The following TIAM1 variants were observed in gnomAD, a reference collection of about 807,000 sequenced individuals.
The protein encoded by TIAM1 is TIAM Rac1 associated GEF 1.
A neutral mutation model predicts 163.5 loss-of-function variants in TIAM1; 65 were observed. That is an observed-to-expected ratio of 0.40 (90% CI 0.33 to 0.49). The LOEUF is 0.49. Ranked by LOEUF, TIAM1 falls within the 20% of genes least tolerant of loss-of-function variation. TIAM1 has a pLI of 0.77. For missense variants in TIAM1, 1,789 were observed against 2,044.7 expected (o/e 0.87, Z 2.41); for synonymous variants, 833 against 810.1 (o/e 1.03, Z -0.48).
At chr21:31,130,457 C>A in intron 24 of TIAM1, 142 bp from the exon 25 acceptor site, 1 of 651,792 alleles carries the variant, frequency 1.5e-6, no homozygotes, top group Non-Finnish European at 2.7e-6. Flanking sequence ...GAGCTCCTGT[C>A]CATCCAGCAG....
chr21:31,527,364 A>G (rs2047823068), intron 1 of TIAM1, among the ~76,000 whole-genome samples: 1 of 152,138 alleles, frequency 6.6e-6, no homozygotes, highest in South Asian at 2.1e-4. Flanking sequence ...ACACAAAAAG[A>G]CCACATTTAG....
At chr21:31,444,364 A>C (rs1220902681) in intron 2 of TIAM1, among the ~76,000 whole-genome samples, 1 of 151,742 alleles carries the variant, frequency 6.6e-6, no homozygotes, top group Non-Finnish European at 1.5e-5. Context: ...ATTTCTACTA[A>C]AAGTTTCTGC....
intron 2 of TIAM1, among the ~76,000 whole-genome samples, chr21:31,418,285 T>A (rs1342666627): frequency 3.8e-5 from 5 of 130,822 alleles, no homozygotes; most frequent in African/African-American, 1.5e-4. Context: ...GAAGTTGAGG[T>A]GAGCCGAGAT....
intron 7 of TIAM1, among the ~76,000 whole-genome samples, chr21:31,225,052 C>T (rs1274559790): frequency 6.6e-6 from 1 of 152,038 alleles, no homozygotes; most frequent in Non-Finnish European, 1.5e-5. Flanking sequence ...AGAGAGCTTG[C>T]TCTGTTACCC....
chr21:31,194,822 A>G (rs1173950554), intron 13 of TIAM1, among the ~76,000 whole-genome samples: 1 of 152,230 alleles, frequency 6.6e-6, no homozygotes, highest in Non-Finnish European at 1.5e-5. Flanking sequence ...CTTGTCGCCA[A>G]CTTACAAACA....
chr21:31,462,463 C>T (rs1170130635), intron 2 of TIAM1, among the ~76,000 whole-genome samples: 4 of 152,204 alleles, frequency 2.6e-5, no homozygotes, highest in Admixed American at 2.6e-4. Flanking sequence ...CAGGAGTATT[C>T]TTGTAAGACA....
intron 2 of TIAM1, among the ~76,000 whole-genome samples, chr21:31,293,013 G>A (rs1428836504): frequency 2.6e-5 from 4 of 152,032 alleles, no homozygotes; most frequent in East Asian, 1.9e-4. Flanking sequence ...TAGTAGAGAC[G>A]GAGTTTCGCC....
chr21:31,329,134 G>A (rs1464813692), intron 2 of TIAM1, among the ~76,000 whole-genome samples: 1 of 152,146 alleles, frequency 6.6e-6, no homozygotes, highest in Non-Finnish European at 1.5e-5. Flanking sequence ...CTCAGGGCAG[G>A]GAGGGGATGT....
chr21:31,481,736 C>T (rs1429584755), intron 1 of TIAM1, among the ~76,000 whole-genome samples: 1 of 152,160 alleles, frequency 6.6e-6, no homozygotes, highest in African/African-American at 2.4e-5. Context: ...AGCTCCCACA[C>T]CCTCTCTGGA....
At position 31,387,195 on chromosome 21, in the gene TIAM1, C is replaced by CTTTTTTT. The variant is rs60592178; in HGVS notation, c.-368-47780_-368-47774dup. 1.1e-3 allele frequency among the ~76,000 whole-genome samples: 85 copies of CTTTTTTT among 75,150 alleles called. 3 individuals are homozygous for CTTTTTTT. Among genetic ancestry groups the CTTTTTTT allele is most frequent in the African/African-American group, 3.3e-3 (59 of 17,830 alleles). 49.3% of individuals were successfully genotyped at this position (75,150 alleles called of 152,430 possible). A position where few individuals can be genotyped will look rare whatever the true frequency, so the allele number is the denominator to read the frequency against. On this transcript the variant is annotated intron_variant, in intron 2 of 28. Transcript: ENST00000286827. ...GCTTTTGTTTGTAGAAGCTTATTCT[C>CTTTTTTT]TTTTTTTTTTTTTTTTTTTTTTTTT... is the stretch of plus-strand genomic sequence containing the variant.
At chr21:31,177,287 G>A (rs1386016073) in intron 15 of TIAM1, among the ~76,000 whole-genome samples, 8 of 152,134 alleles carry the variant, frequency 5.3e-5, no homozygotes, top group South Asian at 2.1e-4. Context: ...CCAGGTCAAG[G>A]TCATGAAGCT....
At chr21:31,232,600 T>C (rs1000144051) in intron 6 of TIAM1, among the ~76,000 whole-genome samples, 1 of 152,198 alleles carries the variant, frequency 6.6e-6, no homozygotes, top group Non-Finnish European at 1.5e-5. Context: ...AGTGGACTCC[T>C]GACCTGACAC....
chr21:31,546,549 C>CAA (rs757156366), intron 1 of TIAM1, among the ~76,000 whole-genome samples: 10 of 94,880 alleles, frequency 1.1e-4, no homozygotes, highest in African/African-American at 3.4e-4. Context: ...GACTCCATCT[C>CAA]AAAAAAAAAA....
At chr21:31,247,523 T>G (rs2071571416) in intron 5 of TIAM1, among the ~76,000 whole-genome samples, 1 of 151,734 alleles carries the variant, frequency 6.6e-6, no homozygotes, top group Non-Finnish European at 1.5e-5. Context: ...GCCTCCCAAA[T>G]AGCTGGAACT....
At chr21:31,157,393 T>C (rs1238072088) in intron 16 of TIAM1, among the ~76,000 whole-genome samples, 1 of 152,250 alleles carries the variant, frequency 6.6e-6, no homozygotes, top group Non-Finnish European at 1.5e-5. Flanking sequence ...AGAACAACTT[T>C]GGCAGGATCT....
chr21:31,266,334 C>T lies in TIAM1; in HGVS notation c.639G>A (p.Gly213=). ...AEEKDCEEAR[G]METRASPRQL... is the part of the protein sequence containing the mutation. Reference sequence around the variant, plus strand: ...GCCGCGGACTCGCCCGCGTTTCCATCCCCCGAGCCTCCTCGCAGTCCTTCT... The same window carrying T: ...GCCGCGGACTCGCCCGCGTTTCCATTCCCCGAGCCTCCTCGCAGTCCTTCT... Residue 213 remains glycine, a synonymous_variant, in exon 4 of 28, where the codon GGG becomes GGA. Transcript: ENST00000541036. 6.2e-7 allele frequency: 1 copy of T among 1,614,216 alleles called. No individual in the cohort carries two copies. The highest frequency in any genetic ancestry group is 8.5e-7 in the Non-Finnish European group (1 of 1,180,046).
At chr21:31,352,230 T>A (rs960003677) in intron 2 of TIAM1, among the ~76,000 whole-genome samples, 1 of 152,162 alleles carries the variant, frequency 6.6e-6, no homozygotes, top group Admixed American at 6.5e-5. Flanking sequence ...ATCTCTGCAA[T>A]GGAATATTAC....
chr21:31,210,170 C>T lies in TIAM1; in HGVS notation c.2263G>A (p.Asp755Asn). 6.2e-7 allele frequency: 1 copy of T among 1,614,120 alleles called. No individual in the cohort carries two copies. The highest frequency in any genetic ancestry group is 8.5e-7 in the Non-Finnish European group (1 of 1,180,036). The stretch of plus-strand genomic sequence containing the variant: ...TACTCGTGGACCCAAATGTCGCAGT[C>T]AGGGTTGTGCTGGTGAACGTTAGGT... Reference protein sequence around the residue: ...VLPNVHQHNPDCDIWVHEYFT... With the variant: ...VLPNVHQHNPNCDIWVHEYFT... Residue 755 changes from aspartate to asparagine, a missense_variant, in exon 11 of 28, where the codon GAC (aspartate) becomes AAC (asparagine). Asp to Asn is a conservative substitution (Grantham distance 23). Coordinates refer to ENST00000541036, the MANE Select transcript of TIAM1 (RefSeq NM_001353694.2).
At position 31,120,794 on chromosome 21, in the gene TIAM1, C is replaced by T. The variant is rs1483318614; in HGVS notation, c.4350G>A (p.Leu1450=). 1 of 1,613,700 alleles carries T rather than the reference C, an allele frequency of 6.2e-7. No individual in the cohort carries two copies. Among genetic ancestry groups the T allele is most frequent in the South Asian group, 1.1e-5 (1 of 91,044 alleles). ...AATCAATGGTAAACCTGTTTCGAGC[C>T]AGCCGCCGCCTCCTCCTCCCAAGAG... ...SKSLGRRRRR[L]ARNRFTIDSD... The change falls in exon 28 of 28, where the codon CTG becomes CTA. Residue 1450 remains leucine (L), a synonymous_variant. Coordinates refer to ENST00000541036, the MANE Select transcript of TIAM1 (RefSeq NM_001353694.2). The surrounding 1 kb of genome is among the most constrained non-coding windows in gnomAD (Gnocchi z 4.2).
Sources: allele counts gnomAD v4.1 joint callset (sites outside exome capture counted in the v4.1 genomes callset), GRCh38; gene constraint gnomAD v4.1.1; non-coding constraint Gnocchi (gnomAD v3.1); transcripts MANE v1.5; gene names NCBI Gene and HGNC (gene_info 2026-07-23, HGNC 2026-07-21).